The following TENM3 variants were observed in gnomAD, a reference collection of about 807,000 sequenced individuals.
TENM3 encodes teneurin transmembrane protein 3.
TENM3 carries 63 observed loss-of-function variants against 255.1 expected under a neutral mutation model. The ratio of observed to expected loss-of-function variants is 0.25; its 90% CI spans 0.20 to 0.30. The LOEUF (loss-of-function observed/expected upper bound fraction) is 0.30. Ranked by LOEUF, TENM3 falls within the 10% of genes least tolerant of loss-of-function variation. The pLI is 1.00. For synonymous variants in TENM3, 1,306 were observed against 1,322.3 expected, an observed-to-expected ratio of 0.99 and a Z score of 0.27; for missense variants, 2,929 against 3,461.1, an observed-to-expected ratio of 0.85 and a Z score of 3.86.
At chr4:181,826,816 G>C in the TENM3 span, among the ~76,000 whole-genome samples, 15,628 of 152,232 alleles carry the variant, frequency 0.1, 1,098 homozygotes, top group Admixed American at 0.18. Context: ...CTCCCCAGAC[G>C]ATTTTAATGT....
At chr4:181,744,882 G>T in the TENM3 span, among the ~76,000 whole-genome samples, 1 of 152,228 alleles carries the variant, frequency 6.6e-6, no homozygotes, top group Non-Finnish European at 1.5e-5. Flanking sequence ...GAACAAGTGG[G>T]TTGGGTTGCA....
chr4:181,736,220 C>T, the TENM3 span, among the ~76,000 whole-genome samples: 2 of 152,264 alleles, frequency 1.3e-5, no homozygotes, highest in African/African-American at 4.8e-5. Context: ...ACTGCTTGTA[C>T]CTGGGAAGCA....
chr4:182,591,354 G>C (rs916903281), intron 3 of TENM3, among the ~76,000 whole-genome samples: 2 of 152,136 alleles, frequency 1.3e-5, no homozygotes, highest in Non-Finnish European at 2.9e-5. Context: ...CACTAACCCA[G>C]TAAGTACAGT....
chr4:182,630,682 C>T (rs998555181), intron 5 of TENM3, among the ~76,000 whole-genome samples: 2 of 152,116 alleles, frequency 1.3e-5, no homozygotes, highest in African/African-American at 2.4e-5. Context: ...ACCTGCACAT[C>T]CTGCACCTGC....
intron 3 of TENM3, among the ~76,000 whole-genome samples, chr4:182,583,333 CTGTGTGTGTGTGTGTGTGTGTG>C (rs3073440): frequency 6.3e-5 from 9 of 143,426 alleles, no homozygotes; most frequent in Admixed American, 2.1e-4. Flanking sequence ...GCTTAAACCT[CTGTGTGTGTGTGTGTGTGTGTG>C]TGTGTGTGTG....
intron 3 of TENM3, among the ~76,000 whole-genome samples, chr4:182,463,230 A>G (rs1178972059): frequency 1.3e-5 from 2 of 152,184 alleles, no homozygotes; most frequent in Non-Finnish European, 1.5e-5. Context: ...AGCCTAAATT[A>G]TTTATCATTT....
At chr4:181,663,880 C>T in the TENM3 span, among the ~76,000 whole-genome samples, 1 of 152,226 alleles carries the variant, frequency 6.6e-6, no homozygotes, top group Non-Finnish European at 1.5e-5. Context: ...CTCTGCCTCC[C>T]GCAGCACCGC....
intron 6 of TENM3, among the ~76,000 whole-genome samples, chr4:182,671,385 A>T (rs1755201497): frequency 6.6e-6 from 1 of 152,102 alleles, no homozygotes; most frequent in Admixed American, 6.6e-5. Context: ...GTCAAGTTCC[A>T]CGGCCATGCT....
At chr4:182,219,194 C>G (rs28604395) in intron 1 of TENM3, among the ~76,000 whole-genome samples, 1,856 of 152,226 alleles carry the variant, frequency 0.012, 33 homozygotes, top group African/African-American at 0.043. Context: ...TGCCCTCCAG[C>G]CTGGGTGACA....
the TENM3 span, among the ~76,000 whole-genome samples, chr4:181,570,077 C>T: frequency 1.5e-5 from 2 of 135,258 alleles, no homozygotes; most frequent in East Asian, 2.1e-4. Context: ...CTCGCTCTGT[C>T]GCCCAGGTCG....
the TENM3 span, among the ~76,000 whole-genome samples, chr4:181,779,260 G>GTTATTTATTTATTTAT: frequency 7.1e-6 from 1 of 141,174 alleles, no homozygotes; most frequent in African/African-American, 2.8e-5. Flanking sequence ...TTTACTTTAA[G>GTTATTTATTTATTTAT]TTATTTATTT....
the TENM3 span, among the ~76,000 whole-genome samples, chr4:182,021,484 T>TC: frequency 4.6e-5 from 7 of 151,754 alleles, no homozygotes; most frequent in South Asian, 2.1e-4. Context: ...TTCACTCAAA[T>TC]CCCCCCCAGA....
intron 18 of TENM3, among the ~76,000 whole-genome samples, chr4:182,742,645 A>G (rs776661649): frequency 1.3e-5 from 2 of 152,208 alleles, no homozygotes; most frequent in African/African-American, 2.4e-5. Context: ...TTGACTGAAT[A>G]TTTTCAATAT....
chr4:181,674,809 A>C, the TENM3 span, among the ~76,000 whole-genome samples: 1 of 152,118 alleles, frequency 6.6e-6, no homozygotes, highest in African/African-American at 2.4e-5. Flanking sequence ...GCTTTTTTTA[A>C]AATATAATTA....
At chr4:182,356,936 C>G (rs1387722085) in intron 3 of TENM3, among the ~76,000 whole-genome samples, 1 of 143,894 alleles carries the variant, frequency 6.9e-6, no homozygotes, top group African/African-American at 2.6e-5. Flanking sequence ...TCTCATTGTT[C>G]AATTCTCACC....
chr4:182,757,038 C>T (rs1172070452), intron 22 of TENM3, among the ~76,000 whole-genome samples: 3 of 151,992 alleles, frequency 2.0e-5, no homozygotes, highest in Non-Finnish European at 4.4e-5. Flanking sequence ...GGAGGCCGGG[C>T]GCGGTGGCTC....
chr4:182,125,323 T>G, the TENM3 span, among the ~76,000 whole-genome samples: 1 of 152,234 alleles, frequency 6.6e-6, no homozygotes. Context: ...TTATTTTACT[T>G]AATGATGGCC....
the TENM3 span, among the ~76,000 whole-genome samples, chr4:182,000,625 G>A: frequency 6.6e-6 from 1 of 152,050 alleles, no homozygotes; most frequent in Non-Finnish European, 1.5e-5. Flanking sequence ...GGTTGGTCAA[G>A]GGCCACCCTT....
At chr4:182,252,049 G>C (rs944735341) in intron 1 of TENM3, among the ~76,000 whole-genome samples, 2 of 151,968 alleles carry the variant, frequency 1.3e-5, no homozygotes, top group Non-Finnish European at 2.9e-5. Flanking sequence ...TGGGTGTGGT[G>C]GTACATGCCT....
Sources: allele counts gnomAD v4.1 joint callset (sites outside exome capture counted in the v4.1 genomes callset), GRCh38; gene constraint gnomAD v4.1.1; transcripts MANE v1.5; gene names NCBI Gene and HGNC (gene_info 2026-07-23, HGNC 2026-07-21).